The following PVT1 variants were observed in gnomAD, a reference collection of about 807,000 sequenced individuals.
The protein encoded by PVT1 is Pvt1 oncogene, also known as CXCR4/PVT1 fusion.
intron 2 of PVT1, among the ~76,000 whole-genome samples, chr8:127,858,298 C>A (rs1404347376): frequency 6.6e-6 from 1 of 151,834 alleles, no homozygotes; most frequent in South Asian, 2.1e-4. Context: ...TCCCAGCTAC[C>A]AGGGAGGCTG....
At chr8:127,903,768 T>G (rs1421182577) in intron 3 of PVT1, among the ~76,000 whole-genome samples, 1 of 152,264 alleles carries the variant, frequency 6.6e-6, no homozygotes, top group Admixed American at 6.5e-5. Flanking sequence ...TTCTCTATTC[T>G]GTTCCGTTGG....
intron 2 of PVT1, among the ~76,000 whole-genome samples, chr8:127,799,348 G>A (rs1336218968): frequency 6.6e-6 from 1 of 152,036 alleles, no homozygotes; most frequent in Non-Finnish European, 1.5e-5. Context: ...TGCTTGAGCT[G>A]AGAAGTTTGA....
chr8:127,945,537 C>G (rs1816409937), intron 3 of PVT1, among the ~76,000 whole-genome samples: 1 of 152,164 alleles, frequency 6.6e-6, no homozygotes, highest in Admixed American at 6.5e-5. Context: ...AGCAGCCTGC[C>G]CTCAACTGCC....
intron 3 of PVT1, among the ~76,000 whole-genome samples, chr8:127,910,085 G>T (rs1815873821): frequency 6.6e-6 from 1 of 152,082 alleles, no homozygotes; most frequent in Non-Finnish European, 1.5e-5. Context: ...AAGGGCCTCT[G>T]CACACCACGT....
At chr8:128,100,162 C>T in intron 6 of PVT1, among the ~76,000 whole-genome samples, 1 of 62,460 alleles carries the variant, frequency 1.6e-5, no homozygotes, top group East Asian at 2.8e-4. Flanking sequence ...TTCCTTCCTT[C>T]TTTCCTCCCT....
intron 2 of PVT1, among the ~76,000 whole-genome samples, chr8:127,825,117 TAAAAAAAAAA>T (rs58377389): frequency 7.4e-5 from 6 of 81,044 alleles, no homozygotes; most frequent in African/African-American, 3.0e-4. Flanking sequence ...AAACACTAGC[TAAAAAAAAAA>T]AAAAAAAAAA....
chr8:128,099,123 G>A (rs1309679574), intron 6 of PVT1, among the ~76,000 whole-genome samples: 1 of 152,152 alleles, frequency 6.6e-6, no homozygotes, highest in African/African-American at 2.4e-5. Flanking sequence ...TGGAGAGTGG[G>A]CCTCCCACCC....
intron 3 of PVT1, among the ~76,000 whole-genome samples, chr8:127,925,082 T>G (rs985039050): frequency 6.6e-6 from 1 of 152,220 alleles, no homozygotes; most frequent in Non-Finnish European, 1.5e-5. Context: ...CTCTGCGTGC[T>G]AAGAAATTGT....
intron 2 of PVT1, among the ~76,000 whole-genome samples, chr8:127,854,131 T>A (rs1006961871): frequency 6.8e-6 from 1 of 147,364 alleles, no homozygotes; most frequent in African/African-American, 2.6e-5. Flanking sequence ...GCCTCACCCC[T>A]GCGGCAGCCG....
At chr8:127,994,280 C>T (rs923440224) in intron 4 of PVT1, among the ~76,000 whole-genome samples, 7 of 152,124 alleles carry the variant, frequency 4.6e-5, no homozygotes, top group Admixed American at 6.5e-5. Flanking sequence ...TTTGGGATCT[C>T]GCCTGGAAAC....
intron 3 of PVT1, among the ~76,000 whole-genome samples, chr8:127,936,597 C>G (rs901195965): frequency 8.5e-5 from 13 of 152,174 alleles, no homozygotes; most frequent in African/African-American, 3.1e-4. Context: ...ATGTCCTGGC[C>G]TTGGAGAAAT....
At chr8:127,962,432 T>G (rs1172240244) in intron 3 of PVT1, among the ~76,000 whole-genome samples, 1 of 152,198 alleles carries the variant, frequency 6.6e-6, no homozygotes, top group Non-Finnish European at 1.5e-5. Context: ...TTGGGTGTGA[T>G]CAACTCATTG....
rs528817582 is a variant in PVT1 at position 128,095,052 on chromosome 8, C to T, written n.1115-1466C>T. Among the ~76,000 whole-genome samples, 14 of 152,242 alleles carry T rather than the reference C, an allele frequency of 9.2e-5. No homozygotes were observed. The South Asian group carries it at 1.9e-3, about 20-fold the overall frequency. ...CCACTGCATCTTTTCTTGCTTTGGG[C>T]GTTTTAAAACTTGGGCTGCTGTTGC... On this transcript the variant is annotated intron_variant and non_coding_transcript_variant, in intron 5 of 10. Transcript: ENST00000651587.
chr8:127,924,192 C>A (rs1311826178), intron 3 of PVT1, among the ~76,000 whole-genome samples: 1 of 152,164 alleles, frequency 6.6e-6, no homozygotes, highest in Admixed American at 6.5e-5. Flanking sequence ...CATACAGTGG[C>A]TGGGATCCAT....
chr8:127,840,744 A>T (rs2129714759), intron 2 of PVT1, among the ~76,000 whole-genome samples: 1 of 152,056 alleles, frequency 6.6e-6, no homozygotes, highest in East Asian at 1.9e-4. Context: ...AGAGGGTGGC[A>T]CCGAACTGGT....
rs181335451 is a variant in PVT1 at position 128,057,477 on chromosome 8, C to T, written n.913-12683C>T. Among the ~76,000 whole-genome samples the T allele has an allele frequency of 1.8e-3, 276 of 152,260 alleles. 2 individuals are homozygous for T. The highest frequency in any genetic ancestry group is 0.014 in the Middle Eastern group (4 of 294). ...TCTCTTTAATATATGTGAACAAAAACCTGCAGGGATATTTTATCCAATTTC... is the reference window on the plus strand; with the variant it reads ...TCTCTTTAATATATGTGAACAAAAATCTGCAGGGATATTTTATCCAATTTC... On this transcript the variant is annotated intron_variant and non_coding_transcript_variant, in intron 4 of 10. Coordinates refer to ENST00000651587, the Ensembl canonical transcript of PVT1.
chr8:127,845,311 T>C (rs1340964925), intron 2 of PVT1, among the ~76,000 whole-genome samples: 2 of 152,122 alleles, frequency 1.3e-5, no homozygotes, highest in African/African-American at 4.8e-5. Context: ...TAGATTATTG[T>C]TGCATGAATG....
intron 3 of PVT1, among the ~76,000 whole-genome samples, chr8:127,894,178 A>G (rs578053414): frequency 1.3e-4 from 20 of 152,284 alleles, no homozygotes; most frequent in South Asian, 2.1e-4. Flanking sequence ...CTACACTGAC[A>G]TCCTGGCCAG....
chr8:128,076,064 G>C (rs1050453521), intron 5 of PVT1, among the ~76,000 whole-genome samples: 1 of 152,202 alleles, frequency 6.6e-6, no homozygotes, highest in African/African-American at 2.4e-5. Flanking sequence ...GAAGTACCCT[G>C]TGCTCTGGGA....
Sources: gnomAD v4.1 joint callset for allele counts (sites outside exome capture counted in the v4.1 genomes callset) on GRCh38, gnomAD v4.1.1 for gene constraint, MANE v1.5 for transcripts, NCBI Gene and HGNC (gene_info 2026-07-23, HGNC 2026-07-21) for gene names.